The following LINGO2 variants were observed in gnomAD, a reference collection of about 807,000 sequenced individuals.
The protein encoded by LINGO2 is leucine rich repeat and Ig domain containing 2.
In LINGO2, 14 loss-of-function variants were observed where a neutral mutation model predicts 30.6. The observed-to-expected ratio is 0.46, with a 90% CI of 0.30 to 0.72. LINGO2 has a LOEUF of 0.72. Among genes scored for constraint, LINGO2 ranks in the 30% least tolerant of loss-of-function variants. LINGO2 has a pLI of 0.07. For missense variants in LINGO2, 729 were observed against 751.7 expected, an observed-to-expected ratio of 0.97 and a Z score of 0.35; for synonymous variants, 317 against 288.5, an observed-to-expected ratio of 1.10 and a Z score of -1.00.
At chr9:28,498,291 A>T (rs188309712) in intron 1 of LINGO2, among the ~76,000 whole-genome samples, 3 of 152,168 alleles carry the variant, frequency 2.0e-5, no homozygotes, top group Admixed American at 6.5e-5. Context: ...CTCCTTGAGC[A>T]GCGGTGGGCT....
At chr9:28,826,164 A>G in the LINGO2 span, among the ~76,000 whole-genome samples, 2 of 152,138 alleles carry the variant, frequency 1.3e-5, no homozygotes, top group Non-Finnish European at 2.9e-5. Flanking sequence ...ACTGTGAACG[A>G]CATTCATGGC....
chr9:28,287,636 T>C (rs1319888694), intron 4 of LINGO2, among the ~76,000 whole-genome samples: 2 of 152,090 alleles, frequency 1.3e-5, no homozygotes, highest in Non-Finnish European at 2.9e-5. Context: ...GATGTGATGA[T>C]AAAATGATGA....
At chr9:29,059,438 A>C in the LINGO2 span, among the ~76,000 whole-genome samples, 427 of 151,236 alleles carry the variant, frequency 2.8e-3, 1 homozygote, top group African/African-American at 9.6e-3. Flanking sequence ...TAAATAAATA[A>C]ATAAAAAAGA....
the LINGO2 span, among the ~76,000 whole-genome samples, chr9:28,803,675 TAGTCC>T: frequency 6.6e-6 from 1 of 151,976 alleles, no homozygotes; most frequent in African/African-American, 2.4e-5. Context: ...TTCTGACATC[TAGTCC>T]AATTATTTCC....
At chr9:29,189,324 C>T in the LINGO2 span, among the ~76,000 whole-genome samples, 3 of 151,736 alleles carry the variant, frequency 2.0e-5, no homozygotes, top group Non-Finnish European at 4.4e-5. Context: ...AGACGCTCCT[C>T]ACTTCCCAGA....
intron 4 of LINGO2, among the ~76,000 whole-genome samples, chr9:28,015,679 TAA>T (rs1199470929): frequency 6.6e-6 from 1 of 152,106 alleles, no homozygotes. Context: ...TTGTTTTTAA[TAA>T]AAAGTTAGAA....
intron 2 of LINGO2, among the ~76,000 whole-genome samples, chr9:28,405,305 C>T (rs1005092340): frequency 6.6e-6 from 1 of 152,044 alleles, no homozygotes; most frequent in Non-Finnish European, 1.5e-5. Context: ...AATATGTGTC[C>T]TCTCAATTGA....
intron 1 of LINGO2, among the ~76,000 whole-genome samples, chr9:28,479,133 T>A (rs1825834783): frequency 6.6e-6 from 1 of 151,996 alleles, no homozygotes; most frequent in South Asian, 2.1e-4. Context: ...TATTAGTGCT[T>A]TGTATATATT....
the LINGO2 span, among the ~76,000 whole-genome samples, chr9:28,951,654 T>C: frequency 3.5e-4 from 53 of 152,132 alleles, no homozygotes; most frequent in African/African-American, 1.2e-3. Context: ...ACTGGCTGCA[T>C]AGCAACACTT....
the LINGO2 span, among the ~76,000 whole-genome samples, chr9:29,143,086 A>T: frequency 2.0e-5 from 3 of 152,230 alleles, no homozygotes; most frequent in African/African-American, 4.8e-5. Context: ...AAACTTAACC[A>T]AGGAATGTAA....
At position 28,118,367 on chromosome 9, in the gene LINGO2, A is replaced by G. The variant is rs554503592; in HGVS notation, c.-86-105962T>C. On this transcript the variant is annotated intron_variant, in intron 4 of 5. Coordinates refer to ENST00000379992, the Ensembl canonical transcript of LINGO2. ...TTAGATTGATTTGAACTTACTTATA[A>G]TAAGCCATATCCAGTTGTCTCCAGA... 4.6e-5 allele frequency among the ~76,000 whole-genome samples: 7 copies of G among 152,318 alleles called. No individual in the cohort carries two copies. In the South Asian group the frequency reaches 1.4e-3, roughly 32 times the overall value.
At chr9:28,488,966 C>G (rs1053638267) in intron 1 of LINGO2, among the ~76,000 whole-genome samples, 2 of 152,132 alleles carry the variant, frequency 1.3e-5, no homozygotes, top group Admixed American at 1.3e-4. Flanking sequence ...TTGAAATTTA[C>G]AAAATGTTTT....
intron 4 of LINGO2, among the ~76,000 whole-genome samples, chr9:28,153,427 T>C (rs540360065): frequency 5.9e-5 from 9 of 152,214 alleles, no homozygotes; most frequent in Non-Finnish European, 1.2e-4. Flanking sequence ...GTCTAGATTA[T>C]TTATTGCTGT....
the LINGO2 span, chr9:27,942,487 TG>T: frequency 6.6e-6 from 1 of 152,134 alleles, no homozygotes; most frequent in Non-Finnish European, 1.5e-5. Context: ...TAAGTTAATT[TG>T]TTTTTACATG....
At chr9:28,263,763 C>T (rs1393254380) in intron 4 of LINGO2, among the ~76,000 whole-genome samples, 1 of 151,922 alleles carries the variant, frequency 6.6e-6, no homozygotes, top group Non-Finnish European at 1.5e-5. Flanking sequence ...TCAACTTACT[C>T]TGTGGCATTT....
Position 28,329,320 on chromosome 9 carries a change from C to G in LINGO2, c.-245-33954G>C, listed in dbSNP as rs1158820582. On this transcript the variant is annotated intron_variant, in intron 3 of 5. Transcript: ENST00000379992. This position sits in a 1 kb window ranked among gnomAD's most constrained non-coding sequence, Gnocchi z 4.5. Reference sequence around the variant, plus strand: ...GCACAAAGCAGAGCTTCTTATTTCCCTGTATCTGACAAATACTCCCTTCAA... The same window carrying G: ...GCACAAAGCAGAGCTTCTTATTTCCGTGTATCTGACAAATACTCCCTTCAA... 1.3e-5 allele frequency among the ~76,000 whole-genome samples: 2 copies of G among 152,174 alleles called. No homozygotes were observed. Among genetic ancestry groups the G allele is most frequent in the Non-Finnish European group, 2.9e-5 (2 of 68,040 alleles).
intron 4 of LINGO2, among the ~76,000 whole-genome samples, chr9:28,265,587 A>C (rs1822720247): frequency 6.6e-6 from 1 of 151,976 alleles, no homozygotes; most frequent in African/African-American, 2.4e-5. Flanking sequence ...AGTATTAAAG[A>C]GTAAAGGGGC....
At chr9:28,600,355 C>T (rs536417727) in intron 1 of LINGO2, among the ~76,000 whole-genome samples, 6 of 152,184 alleles carry the variant, frequency 3.9e-5, no homozygotes, top group South Asian at 2.1e-4. Context: ...ATTCATGACA[C>T]GTTATAGTTT....
At chr9:28,545,492 C>T (rs1821890237) in intron 1 of LINGO2, among the ~76,000 whole-genome samples, 1 of 151,960 alleles carries the variant, frequency 6.6e-6, no homozygotes, top group Non-Finnish European at 1.5e-5. Flanking sequence ...ACATCCTAGG[C>T]TTGGGATGGA....
Sources: gnomAD v4.1 joint callset for allele counts (sites outside exome capture counted in the v4.1 genomes callset) on GRCh38, gnomAD v4.1.1 for gene constraint, Gnocchi (gnomAD v3.1) non-coding constraint, MANE v1.5 for transcripts, NCBI Gene and HGNC (gene_info 2026-07-23, HGNC 2026-07-21) for gene names.